Variants in ZNF430 observed in about 807,000 individuals in gnomAD.
ZNF430 encodes zinc finger protein 430.
A neutral mutation model predicts 56.7 loss-of-function variants in ZNF430; 35 were observed. The ratio of observed to expected loss-of-function variants is 0.62; its 90% CI spans 0.47 to 0.82. ZNF430 has a LOEUF of 0.82. ZNF430 is among the 40% of genes least tolerant of loss of function. ZNF430 has a pLI of 0.00. For synonymous variants in ZNF430, 212 were observed against 224.3 expected (o/e 0.94, Z 0.49); for missense variants, 574 against 661.0 (o/e 0.87, Z 1.44).
In ZNF430 at chr19:21,057,658, T is replaced by C; in HGVS notation, c.1350T>C (p.Ile450=). 6.2e-7 allele frequency: 1 copy of C among 1,612,772 alleles called. No individual in the cohort carries two copies. Among genetic ancestry groups the C allele is most frequent in the Non-Finnish European group, 8.5e-7 (1 of 1,179,762 alleles). The part of the protein sequence containing the change: ...ESSNLTAHKI[I]HTGEKPYKCE... ...CAAACCTTACTGCACATAAGATAATTCATACTGGAGAGAAACCCTACAAAT... is the reference window on the plus strand; with the variant it reads ...CAAACCTTACTGCACATAAGATAATCCATACTGGAGAGAAACCCTACAAAT... The change falls in exon 5 of 5, where the codon ATT becomes ATC. Residue 450 remains isoleucine, a synonymous_variant. Coordinates refer to ENST00000261560, the MANE Select transcript of ZNF430 (RefSeq NM_025189.4).
rs890231481 is a variant in ZNF430, at chr19:21,054,289, T to C, written c.323-2342T>C. 5.9e-5 allele frequency among the ~76,000 whole-genome samples: 9 copies of C among 152,218 alleles called. 1 individual carries two copies. Among genetic ancestry groups the C allele is most frequent in the Middle Eastern group, 3.2e-3 (1 of 316 alleles). ...TTTCATTGAATAATGTTATTTTCAG[T>C]AGAAGCAACTGCTTTTAGCATCTTT... On this transcript the variant is annotated intron_variant, in intron 4 of 4. Transcript: ENST00000261560.
rs199498150 is a variant in ZNF430 at position 21,058,030 on chromosome 19, G to T, written c.*9G>T. On this transcript the variant is annotated 3_prime_UTR_variant, in exon 5 of 5. Coordinates refer to ENST00000261560, the MANE Select transcript of ZNF430 (RefSeq NM_025189.4). Reference sequence around the variant, plus strand: ...AAACCCTACAAATGTGAAGATTGTGGCAAAGCCTCTAACCCGTCCTGAATT... The same window carrying T: ...AAACCCTACAAATGTGAAGATTGTGTCAAAGCCTCTAACCCGTCCTGAATT... 1.9e-6 allele frequency: 3 copies of T among 1,608,578 alleles called. No homozygotes were observed. In the African/African-American group the frequency reaches 4.0e-5, roughly 22 times the overall value.
intron 4 of ZNF430, among the ~76,000 whole-genome samples, chr19:21,038,972 CAG>C (rs1968052170): frequency 6.6e-6 from 1 of 151,888 alleles, no homozygotes; most frequent in African/African-American, 2.4e-5. Flanking sequence ...TGATTCGAGA[CAG>C]AGTCTCTCTC....
chr19:21,030,166 A>T (rs1432417508), intron 2 of ZNF430, among the ~76,000 whole-genome samples: 3 of 152,248 alleles, frequency 2.0e-5, no homozygotes, highest in Admixed American at 6.5e-5. Context: ...CCAATCTAGC[A>T]GTTGCTCCAC....
intron 4 of ZNF430, among the ~76,000 whole-genome samples, chr19:21,041,140 A>G (rs74321557): frequency 1.1e-4 from 17 of 151,958 alleles, no homozygotes; most frequent in Admixed American, 2.0e-4. Context: ...AAATTTATCT[A>G]TTTTTGAGAT....
At chr19:21,028,128 A>T (rs1001464355) in intron 2 of ZNF430, among the ~76,000 whole-genome samples, 3 of 152,192 alleles carry the variant, frequency 2.0e-5, no homozygotes, top group Admixed American at 2.0e-4. Flanking sequence ...GCCAGACTTT[A>T]GGTTGAGAAT....
At chr19:21,053,727 C>T (rs1968322651) in intron 4 of ZNF430, among the ~76,000 whole-genome samples, 1 of 152,114 alleles carries the variant, frequency 6.6e-6, no homozygotes, top group African/African-American at 2.4e-5. Context: ...TTATTGAACT[C>T]ATGTCACTTG....
chr19:21,052,411 T>C (rs888023442), intron 4 of ZNF430, among the ~76,000 whole-genome samples: 8 of 152,300 alleles, frequency 5.3e-5, no homozygotes, highest in South Asian at 4.1e-4. Flanking sequence ...GAAAGTTGGG[T>C]ATTGAAATGT....
intron 4 of ZNF430, among the ~76,000 whole-genome samples, chr19:21,052,201 T>TA (rs1330347688): frequency 1.3e-5 from 2 of 152,108 alleles, no homozygotes; most frequent in African/African-American, 4.8e-5. Flanking sequence ...ACTTAAAAAT[T>TA]AAAAAAATTT....
intron 4 of ZNF430, among the ~76,000 whole-genome samples, chr19:21,049,173 C>CAAAA (rs746043747): frequency 6.1e-5 from 4 of 65,244 alleles, no homozygotes; most frequent in African/African-American, 7.8e-5. Flanking sequence ...GACTCCATCT[C>CAAAA]AAAAAAAAAA....
At chr19:21,056,575 A>C (rs1253733090) in intron 4 of ZNF430, 56 bp from the exon 5 acceptor site, 6 of 1,277,514 alleles carry the variant, frequency 4.7e-6, no homozygotes, top group Non-Finnish European at 6.4e-6. Flanking sequence ...AGATTTGTAA[A>C]GCATATTCAT....
chr19:21,045,608 A>G (rs1228963096), intron 4 of ZNF430, among the ~76,000 whole-genome samples: 1 of 152,172 alleles, frequency 6.6e-6, no homozygotes, highest in Non-Finnish European at 1.5e-5. Context: ...GCTGAGTTCA[A>G]GTCCTGAATA....
Position 21,057,423 on chromosome 19 carries a change from C to T in ZNF430, c.1115C>T (p.Pro372Leu), listed in dbSNP as rs1374293187. The T allele has an allele frequency of 4.3e-6, 7 of 1,613,418 alleles. No homozygotes were observed. In the African/African-American group the frequency reaches 9.4e-5, roughly 22 times the overall value. Residue 372 changes from proline (P) to leucine (L), a missense_variant, in exon 5 of 5, where the codon CCT becomes CTT. By Grantham distance (98) the Pro-to-Leu change is moderately conservative (BLOSUM62 -3). Coordinates refer to ENST00000261560, the MANE Select transcript of ZNF430 (RefSeq NM_025189.4). Reference sequence around the variant, plus strand: ...AAGATAATTCATGCTGGAGAGAAACCTTACAAATGTGAAGAATGTGGCAAA... The same window carrying T: ...AAGATAATTCATGCTGGAGAGAAACTTTACAAATGTGAAGAATGTGGCAAA... ...THKIIHAGEK[P>L]YKCEECGKAF...
At chr19:21,033,290 G>T (rs953010499) in intron 2 of ZNF430, among the ~76,000 whole-genome samples, 166 bp from the exon 3 acceptor site, 2 of 151,194 alleles carry the variant, frequency 1.3e-5, no homozygotes, top group African/African-American at 2.4e-5. Context: ...GGATGCAGAG[G>T]TTGCCTCTGT....
rs1296916718 is a variant in ZNF430, at chr19:21,057,474, C to T, written c.1166C>T (p.Thr389Ile). The T allele has an allele frequency of 6.2e-7, 1 of 1,613,594 alleles. No homozygotes were observed. The highest frequency in any genetic ancestry group is 1.3e-5 in the African/African-American group (1 of 74,876). The change falls in exon 5 of 5, where the codon ACT becomes ATT. Residue 389 changes from threonine to isoleucine, a missense_variant. Coordinates refer to ENST00000261560, the MANE Select transcript of ZNF430 (RefSeq NM_025189.4). ...GCTTTTTACCGATTCTCATACCTTA[C>T]TAAACATAAGATAATTCATACTGGA... Reference protein sequence around the residue: ...GKAFYRFSYLTKHKIIHTGEK... With the variant: ...GKAFYRFSYLIKHKIIHTGEK...
intron 4 of ZNF430, among the ~76,000 whole-genome samples, chr19:21,037,123 T>TA (rs1342312568): frequency 6.0e-5 from 9 of 150,668 alleles, no homozygotes; most frequent in Admixed American, 3.3e-4. Flanking sequence ...TTTTTTTTTT[T>TA]TTTTTTATTT....
At chr19:21,032,079 TG>T (rs1251150495) in intron 2 of ZNF430, among the ~76,000 whole-genome samples, 1 of 152,178 alleles carries the variant, frequency 6.6e-6, no homozygotes, top group African/African-American at 2.4e-5. Flanking sequence ...AGATTCCTAT[TG>T]GGGGAAAGCT....
Position 21,024,443 on chromosome 19 carries a change from G to A in ZNF430, c.96+1562G>A, listed in dbSNP as rs186581073. 2.6e-3 allele frequency among the ~76,000 whole-genome samples: 403 copies of A among 152,248 alleles called. 4 individuals are homozygous for A. The highest frequency in any genetic ancestry group is 7.6e-3 in the Admixed American group (116 of 15,288). On this transcript the variant is annotated intron_variant, in intron 2 of 4. Coordinates refer to ENST00000261560, the MANE Select transcript of ZNF430 (RefSeq NM_025189.4). ...GAACCTTAAGGATTGCAAAGTTTAGGCAGAAAAGGGCTTTCTTTCATGGGG... is the reference window on the plus strand; with the variant it reads ...GAACCTTAAGGATTGCAAAGTTTAGACAGAAAAGGGCTTTCTTTCATGGGG...
At position 21,033,480 on chromosome 19, in the gene ZNF430, G is replaced by T. The variant is rs767464492; in HGVS notation, c.121G>T (p.Ala41Ser). 5.7e-5 allele frequency: 92 copies of T among 1,611,178 alleles called. No homozygotes were observed. Among genetic ancestry groups the T allele is most frequent in the Admixed American group, 1.0e-4 (6 of 59,830 alleles). The change falls in exon 3 of 5, where the codon GCC becomes TCC. Residue 41 changes from alanine (A) to serine (S), a missense_variant. Around this residue, in one of 3 missense-constraint regions of ZNF430, gnomAD observed 346 missense variants for 399.1 expected, o/e 0.87. Transcript: ENST00000261560. ...GGGGCCATTGACATTTAGGGATGTGGCCATAGAATTTTCTCTGGAGGAGTG... is the reference window on the plus strand; with the variant it reads ...GGGGCCATTGACATTTAGGGATGTGTCCATAGAATTTTCTCTGGAGGAGTG... ...EKGPLTFRDV[A>S]IEFSLEEWQC...
Sources: gnomAD v4.1 joint callset for allele counts (sites outside exome capture counted in the v4.1 genomes callset) on GRCh38, gnomAD v4.1.1 for gene constraint, gnomAD v4.1.1 regional missense constraint, MANE v1.5 for transcripts, NCBI Gene and HGNC (gene_info 2026-07-23, HGNC 2026-07-21) for gene names.